The following HNRNPF variants were observed in gnomAD, a reference collection of about 807,000 sequenced individuals.
HNRNPF encodes the protein HnRNP F protein.
A neutral mutation model predicts 26.0 loss-of-function variants in HNRNPF; 2 were observed. The ratio of observed to expected loss-of-function variants is 0.08; its 90% CI spans 0.03 to 0.24. The LOEUF is 0.24. Ranked by LOEUF, HNRNPF falls within the 10% of genes least tolerant of loss-of-function variation. HNRNPF has a pLI of 1.00. For synonymous variants in HNRNPF, 234 were observed against 211.5 expected (o/e 1.11, Z -0.92); for missense variants, 299 against 539.2 (o/e 0.55, Z 4.41).
intron 1 of HNRNPF, among the ~76,000 whole-genome samples, chr10:43,403,377 T>G (rs971333023): frequency 2.6e-5 from 4 of 152,218 alleles, no homozygotes; most frequent in Admixed American, 2.6e-4. Flanking sequence ...TACAAAGCGT[T>G]GATGTTCTTC....
At chr10:43,392,249 C>T (rs1354171800) in intron 3 of HNRNPF, among the ~76,000 whole-genome samples, 2 of 152,044 alleles carry the variant, frequency 1.3e-5, no homozygotes, top group Non-Finnish European at 1.5e-5. Context: ...ACTAAAAATA[C>T]AGAAAAATTG....
intron 1 of HNRNPF, among the ~76,000 whole-genome samples, chr10:43,398,721 T>G (rs1838654707): frequency 6.6e-6 from 1 of 152,056 alleles, no homozygotes; most frequent in Non-Finnish European, 1.5e-5. Context: ...AGTGGCACGA[T>G]CATGGCAATG....
chr10:43,389,676 A>G lies in HNRNPF; in HGVS notation c.-52-1740T>C, dbSNP rs528835607. On this transcript the variant is annotated intron_variant, in intron 3 of 3. Transcript: ENST00000682386. ...CTCCCAATAACAAGCATAATGGCAC[A>G]AATGAAACAGAACAGTATGTGATAT... 3.9e-5 allele frequency among the ~76,000 whole-genome samples: 6 copies of G among 152,372 alleles called. No individual in the cohort carries two copies. The South Asian group carries it at 1.2e-3, about 32-fold the overall frequency.
intron 3 of HNRNPF, among the ~76,000 whole-genome samples, chr10:43,390,802 C>T (rs1838215192): frequency 6.6e-6 from 1 of 152,170 alleles, no homozygotes; most frequent in South Asian, 2.1e-4. Flanking sequence ...AATTTCTCAG[C>T]CTCAGGACTA....
Position 43,391,686 on chromosome 10 carries a change from G to A in HNRNPF, c.-53+2944C>T, listed in dbSNP as rs1222033429. Among the ~76,000 whole-genome samples, 10 of 152,202 alleles carry A rather than the reference G, an allele frequency of 6.6e-5. No homozygotes were observed. In the South Asian group the frequency reaches 1.0e-3, roughly 16 times the overall value. On this transcript the variant is annotated intron_variant, in intron 3 of 3. Coordinates refer to ENST00000682386, the MANE Select transcript of HNRNPF (RefSeq NM_001098204.2). Reference sequence around the variant, plus strand: ...TCAGAGTCCAGGAGTTTGTAAGCACGTAGTGGGCCCCTTACAGCGGACATC... The same window carrying A: ...TCAGAGTCCAGGAGTTTGTAAGCACATAGTGGGCCCCTTACAGCGGACATC...
At chr10:43,407,444 G>A (rs1291382760) in intron 1 of HNRNPF, among the ~76,000 whole-genome samples, 1 of 152,100 alleles carries the variant, frequency 6.6e-6, no homozygotes, top group African/African-American at 2.4e-5. Context: ...GGGGGTCCCA[G>A]GCGCCTAGGG....
intron 1 of HNRNPF, among the ~76,000 whole-genome samples, chr10:43,403,444 A>G (rs943538670): frequency 6.6e-6 from 1 of 152,236 alleles, no homozygotes. Flanking sequence ...TTCATTTCCA[A>G]AAGAGTTTTA....
In HNRNPF at chr10:43,387,190, C is replaced by T; in HGVS notation, c.695G>A (p.Arg232Lys). The T allele has an allele frequency of 6.2e-7, 1 of 1,614,210 alleles. No homozygotes were observed. The highest frequency in any genetic ancestry group is 8.5e-7 in the Non-Finnish European group (1 of 1,180,032). ...IVKQAGLERM[R>K]PGAYSTGYGG... is the part of the protein sequence containing the mutation. Reference sequence around the variant, plus strand: ...GTAGCCTGTGCTGTAGGCACCAGGCCTCATCCTTTCCAGGCCTGCCTGCTT... The same window carrying T: ...GTAGCCTGTGCTGTAGGCACCAGGCTTCATCCTTTCCAGGCCTGCCTGCTT... Residue 232 changes from arginine (R) to lysine (K), a missense_variant, in exon 4 of 4, where the codon AGG becomes AAG. This residue lies in a region of HNRNPF where 74 missense variants were observed against 77.7 expected (regional missense o/e 0.95). Coordinates refer to ENST00000682386, the MANE Select transcript of HNRNPF (RefSeq NM_001098204.2). This position sits in a 1 kb window ranked among gnomAD's most constrained non-coding sequence, Gnocchi z 6.0.
chr10:43,404,302 A>T (rs1404711028), intron 1 of HNRNPF, among the ~76,000 whole-genome samples: 1 of 14,902 alleles, frequency 6.7e-5, no homozygotes, highest in Non-Finnish European at 2.8e-4. Flanking sequence ...ATCCGTCTAT[A>T]AAAAAAAAAA....
intron 1 of HNRNPF, among the ~76,000 whole-genome samples, chr10:43,398,410 C>T (rs1289114935): frequency 2.7e-5 from 4 of 147,380 alleles, no homozygotes; most frequent in African/African-American, 7.5e-5. Context: ...GGCACGATCT[C>T]GGCTCACTGC....
intron 1 of HNRNPF, among the ~76,000 whole-genome samples, chr10:43,405,717 T>C (rs1273687667): frequency 2.0e-5 from 3 of 152,150 alleles, no homozygotes; most frequent in Non-Finnish European, 4.4e-5. Flanking sequence ...TATTTTGGAA[T>C]GTATTTTTAG....
At chr10:43,389,214 C>T (rs1213287132) in intron 3 of HNRNPF, among the ~76,000 whole-genome samples, 1 of 152,012 alleles carries the variant, frequency 6.6e-6, no homozygotes, top group African/African-American at 2.4e-5. Flanking sequence ...TCAGGTGATC[C>T]GCCCACCTCA....
At chr10:43,389,023 T>C (rs1285658485) in intron 3 of HNRNPF, among the ~76,000 whole-genome samples, 1 of 145,808 alleles carries the variant, frequency 6.9e-6, no homozygotes, top group African/African-American at 2.6e-5. Context: ...CAGGCTGGAG[T>C]GCAGTGGTGC....
At chr10:43,405,659 A>C (rs539782003) in intron 1 of HNRNPF, among the ~76,000 whole-genome samples, 1 of 114,132 alleles carries the variant, frequency 8.8e-6, no homozygotes, top group South Asian at 2.8e-4. Context: ...TCCGTCTCGG[A>C]AAAAAAAAAA....
intron 1 of HNRNPF, among the ~76,000 whole-genome samples, chr10:43,408,471 T>A (rs2255967): frequency 0.68 from 103,733 of 152,042 alleles, 37,432 homozygotes; most frequent in Non-Finnish European, 0.81. Flanking sequence ...CCTCATTATG[T>A]GCAGTCCTCG....
At position 43,387,128 on chromosome 10, in the gene HNRNPF, AGCCATCACTGAG is replaced by A; in HGVS notation, c.745_756del (p.Leu249_Gly252del). 1 of 1,613,986 alleles carries A rather than the reference AGCCATCACTGAG, an allele frequency of 6.2e-7. No homozygotes were observed. The highest frequency in any genetic ancestry group is 8.5e-7 in the Non-Finnish European group (1 of 1,180,032). On this transcript the variant is annotated inframe_deletion, in exon 4 of 4. Coordinates refer to ENST00000682386, the MANE Select transcript of HNRNPF (RefSeq NM_001098204.2). The surrounding 1 kb of genome is among the most constrained non-coding windows in gnomAD (Gnocchi z 6.0). Reference sequence around the variant, plus strand: ...CCGAACAGGTCGGTGGTGAAGCCGTAGCCATCACTGAGGCCACTGTACTCCTCGTAGCCCCCG... The same window carrying A: ...CCGAACAGGTCGGTGGTGAAGCCGTAGCCACTGTACTCCTCGTAGCCCCCG...
intron 2 of HNRNPF, among the ~76,000 whole-genome samples, chr10:43,394,985 G>T (rs914670600): frequency 6.6e-6 from 1 of 152,018 alleles, no homozygotes; most frequent in African/African-American, 2.4e-5. Context: ...CCCACCCAGC[G>T]AATTTTTGTA....
intron 3 of HNRNPF, among the ~76,000 whole-genome samples, chr10:43,389,092 T>C (rs1838145531): frequency 6.7e-6 from 1 of 150,296 alleles, no homozygotes; most frequent in Non-Finnish European, 1.5e-5. Context: ...TGTCTCAGCC[T>C]CCTGAGTAGC....
At chr10:43,390,300 C>CCTGTCCTT (rs753083343) in intron 3 of HNRNPF, among the ~76,000 whole-genome samples, 305 of 152,306 alleles carry the variant, frequency 2.0e-3, no homozygotes, top group Non-Finnish European at 3.3e-3. Context: ...CTAGGCACCG[C>CCTGTCCTT]CTGTCCTTTT....
Sources: gnomAD v4.1 joint callset for allele counts (sites outside exome capture counted in the v4.1 genomes callset) on GRCh38, gnomAD v4.1.1 for gene constraint, gnomAD v4.1.1 regional missense constraint, Gnocchi (gnomAD v3.1) non-coding constraint, MANE v1.5 for transcripts, NCBI Gene and HGNC (gene_info 2026-07-23, HGNC 2026-07-21) for gene names.